GGNBP2: variants seen among roughly 807,000 people sequenced by gnomAD.
GGNBP2 encodes the protein gametogenetin binding protein 2.
In GGNBP2, 10 loss-of-function variants were observed where a neutral mutation model predicts 85.9. The observed-to-expected ratio is 0.12, with a 90% CI of 0.07 to 0.20. The LOEUF (loss-of-function observed/expected upper bound fraction) is 0.20, where lower values mean the gene tolerates loss of function less well. GGNBP2 is among the 10% of genes least tolerant of loss of function. The pLI is 1.00. For missense variants in GGNBP2, 595 were observed against 857.8 expected (o/e 0.69, Z 3.83); for synonymous variants, 287 against 285.7 (o/e 1.00, Z -0.05).
At chr17:36,555,753 A>G (rs1299054675) in intron 3 of GGNBP2, among the ~76,000 whole-genome samples, 1 of 152,198 alleles carries the variant, frequency 6.6e-6, no homozygotes. Context: ...ATATACTTTA[A>G]AGCATATTTA....
rs143769514 is a variant in GGNBP2 at position 36,545,793 on chromosome 17, C to G, written c.69C>G (p.Pro23=). ...TCCCCTTCGAGAGGAGGCAGATTCCCCTCTACATAGACGACACCCTGACGG... is the reference window on the plus strand; with the variant it reads ...TCCCCTTCGAGAGGAGGCAGATTCCGCTCTACATAGACGACACCCTGACGG... ...EEFPFERRQI[P]LYIDDTLTMV... The change falls in exon 2 of 14, where the codon CCC becomes CCG. Residue 23 remains proline, a synonymous_variant. Coordinates refer to ENST00000613102, the MANE Select transcript of GGNBP2 (RefSeq NM_024835.5). The G allele has an allele frequency of 3.8e-5, 59 of 1,572,692 alleles. No homozygotes were observed. Among genetic ancestry groups the G allele is most frequent in the African/African-American group, 1.1e-4 (8 of 73,774 alleles).
At chr17:36,587,865 G>A (rs895715798) in intron 13 of GGNBP2, among the ~76,000 whole-genome samples, 7 of 152,100 alleles carry the variant, frequency 4.6e-5, no homozygotes, top group African/African-American at 1.7e-4. Context: ...CCAGCCTGGC[G>A]ACAGAGTGAG....
In GGNBP2 at chr17:36,585,935, A is replaced by G. The variant is rs759431010; in HGVS notation, c.1462A>G (p.Thr488Ala). 1 of 1,614,192 alleles carries G rather than the reference A, an allele frequency of 6.2e-7. No homozygotes were observed. The highest frequency in any genetic ancestry group is 8.5e-7 in the Non-Finnish European group (1 of 1,180,026). The change falls in exon 11 of 14, where the codon ACT becomes GCT. Residue 488 changes from threonine to alanine, a missense_variant. By Grantham distance (58) the Thr-to-Ala change is moderately conservative. This residue lies in a region of GGNBP2 where 35 missense variants were observed against 49.6 expected (regional missense o/e 0.71). Coordinates refer to ENST00000613102, the MANE Select transcript of GGNBP2 (RefSeq NM_024835.5). ...TCGGGAGGGTTCGGATGTTGCCTGC[A>G]CTGAAGGCATTTGTAATCATGATGA... Reference protein sequence around the residue: ...GSREGSDVACTEGICNHDEHG... With the variant: ...GSREGSDVACAEGICNHDEHG...
At chr17:36,573,931 G>A (rs944115007) in intron 6 of GGNBP2, among the ~76,000 whole-genome samples, 2 of 152,172 alleles carry the variant, frequency 1.3e-5, no homozygotes, top group South Asian at 4.1e-4. Flanking sequence ...GAGTGCAGTG[G>A]CATGATCACG....
intron 2 of GGNBP2, chr17:36,546,619 C>T (rs192717871): frequency 5.9e-5 from 9 of 152,298 alleles, no homozygotes; most frequent in African/African-American, 2.2e-4. Flanking sequence ...AAGGAAATGG[C>T]TGAAATTTGA....
intron 3 of GGNBP2, among the ~76,000 whole-genome samples, chr17:36,555,434 C>T (rs1178258647): frequency 1.3e-5 from 2 of 152,194 alleles, no homozygotes; most frequent in East Asian, 3.8e-4. Flanking sequence ...TGGCTCATGC[C>T]TGTAATCCCA....
In GGNBP2 at chr17:36,589,396, G is replaced by A. The variant is rs370737250; in HGVS notation, c.2079G>A (p.Thr693=). 1.5e-4 allele frequency: 248 copies of A among 1,611,930 alleles called. No individual in the cohort carries two copies. The highest frequency in any genetic ancestry group is 2.7e-4 in the Admixed American group (16 of 59,978). ...CCATTTGTAGTGGCTGGTTGACAAC[G>A]GCTGGAGCAAATTAAATAAATAAAA... ...KRPICSGWLT[T]AGAN The change falls in exon 14 of 14, where the codon ACG becomes ACA. Residue 693 remains threonine, a synonymous_variant. Transcript: ENST00000613102.
At chr17:36,579,137 T>G (rs1256808331) in intron 7 of GGNBP2, 108 bp from the exon 8 acceptor site, 1 of 846,354 alleles carries the variant, frequency 1.2e-6, no homozygotes, top group Non-Finnish European at 1.9e-6. Context: ...TATAACTGTC[T>G]TGTTACTAGG....
At chr17:36,586,338 C>A in intron 12 of GGNBP2, 140 bp downstream of exon 12, 1 of 1,055,860 alleles carries the variant, frequency 9.5e-7, no homozygotes, top group Non-Finnish European at 1.3e-6. Flanking sequence ...CCATTGGGTG[C>A]TCATCGTGTG....
At chr17:36,556,484 T>C (rs2142704019) in intron 3 of GGNBP2, among the ~76,000 whole-genome samples, 1 of 152,242 alleles carries the variant, frequency 6.6e-6, no homozygotes, top group South Asian at 2.1e-4. Flanking sequence ...GGCGGGTGGA[T>C]CACAAGGTCA....
At chr17:36,555,834 A>G (rs1415753759) in intron 3 of GGNBP2, among the ~76,000 whole-genome samples, 1 of 152,266 alleles carries the variant, frequency 6.6e-6, no homozygotes, top group Non-Finnish European at 1.5e-5. Flanking sequence ...TTAGGGAATA[A>G]TGACAAGGAA....
chr17:36,551,208 A>C (rs552914079), intron 2 of GGNBP2, among the ~76,000 whole-genome samples: 1 of 131,554 alleles, frequency 7.6e-6, no homozygotes, highest in East Asian at 2.2e-4. Context: ...TTCTTTATTG[A>C]CTTTTTTTTT....
intron 6 of GGNBP2, among the ~76,000 whole-genome samples, chr17:36,575,648 A>ATATATTTTTTTTT (rs374366757): frequency 3.6e-5 from 2 of 54,912 alleles, no homozygotes; most frequent in African/African-American, 2.2e-4. Context: ...ATATATATAT[A>ATATATTTTTTTTT]TTTTTTTTTT....
chr17:36,585,957 A>G lies in GGNBP2; in HGVS notation c.1484A>G (p.Asp495Gly), dbSNP rs752456601. 1.9e-6 allele frequency: 3 copies of G among 1,614,204 alleles called. No individual in the cohort carries two copies. The highest frequency in any genetic ancestry group is 2.5e-6 in the Non-Finnish European group (3 of 1,180,040). ...VACTEGICNH[D>G]EHGDDSCVHH... is the part of the protein sequence containing the mutation. Reference sequence around the variant, plus strand: ...TGCACTGAAGGCATTTGTAATCATGATGAACACGGTAGGCTCACATTAAGT... The same window carrying G: ...TGCACTGAAGGCATTTGTAATCATGGTGAACACGGTAGGCTCACATTAAGT... The change falls in exon 11 of 14, where the codon GAT (aspartate) becomes GGT (glycine). Residue 495 changes from aspartate (D) to glycine (G), a missense_variant. By Grantham distance (94) the Asp-to-Gly change is moderately conservative. Around this residue, in one of 9 missense-constraint regions of GGNBP2, gnomAD observed 35 missense variants for 49.6 expected, o/e 0.71. Transcript: ENST00000613102.
At chr17:36,587,377 A>G in intron 13 of GGNBP2, 132 bp downstream of exon 13, 1 of 958,540 alleles carries the variant, frequency 1.0e-6, no homozygotes, top group Non-Finnish European at 1.6e-6. Flanking sequence ...GTATTTCATT[A>G]TTGTTTGGGG....
rs147217108 is a variant in GGNBP2 at position 36,554,852 on chromosome 17, T to A, written c.126T>A (p.Asn42Lys). Residue 42 changes from asparagine (N) to lysine (K), a missense_variant, in exon 3 of 14, where the codon AAT (asparagine) becomes AAA (lysine). Asn to Lys is a moderately conservative substitution (Grantham distance 94). Around this residue, in one of 9 missense-constraint regions of GGNBP2, gnomAD observed 216 missense variants for 293.4 expected, o/e 0.74. Transcript: ENST00000613102. ...MVMEFPDNVL[N>K]LDGHQNNGAQ... ...TGGAATTTCCTGATAATGTGTTAAA[T>A]CTCGATGGACATCAGAATAATGGTG... 1.9e-6 allele frequency: 3 copies of A among 1,610,194 alleles called. No homozygotes were observed. Among genetic ancestry groups the A allele is most frequent in the Non-Finnish European group, 2.6e-6 (3 of 1,176,468 alleles).
intron 5 of GGNBP2, among the ~76,000 whole-genome samples, chr17:36,565,910 A>T (rs1008426062): frequency 6.6e-6 from 1 of 152,128 alleles, no homozygotes; most frequent in Non-Finnish European, 1.5e-5. Context: ...AGGAAATATC[A>T]GAGTTGAGAA....
In GGNBP2 at chr17:36,586,166, AAG is replaced by A; in HGVS notation, c.1611_1612del (p.Ser539GlnfsTer6). The A allele has an allele frequency of 1.2e-6, 2 of 1,613,350 alleles. No homozygotes were observed. Among genetic ancestry groups the A allele is most frequent in the Non-Finnish European group, 1.7e-6 (2 of 1,179,878 alleles). On this transcript the variant is annotated frameshift_variant, in exon 12 of 14. Coordinates refer to ENST00000613102, the MANE Select transcript of GGNBP2 (RefSeq NM_024835.5). LOFTEE classifies it high-confidence loss of function. ...DTKGKNKKKK[K>X]KSKILKCDEH... ...AAAAGGAAAAAATAAAAAGAAGAAG[AAG>A]AAAAGCAAGATACTGAAATGTGATG...
intron 2 of GGNBP2, among the ~76,000 whole-genome samples, chr17:36,552,477 A>G (rs531946931): frequency 2.0e-4 from 31 of 152,330 alleles, no homozygotes; most frequent in African/African-American, 7.0e-4. Context: ...CAGCATTAAA[A>G]TAGACCATTG....
Sources: gnomAD v4.1 joint callset for allele counts (sites outside exome capture counted in the v4.1 genomes callset) on GRCh38, gnomAD v4.1.1 for gene constraint, gnomAD v4.1.1 regional missense constraint, MANE v1.5 for transcripts, NCBI Gene and HGNC (gene_info 2026-07-23, HGNC 2026-07-21) for gene names.